Variants in HS6ST1 observed in about 807,000 individuals in gnomAD.
The protein encoded by HS6ST1 is heparan sulfate 6-O-sulfotransferase 1, also known as heparan-sulfate 6-O-sulfotransferase 1.
HS6ST1 carries 3 observed loss-of-function variants against 25.2 expected under a neutral mutation model. The ratio of observed to expected loss-of-function variants is 0.12; its 90% CI spans 0.05 to 0.31. HS6ST1 has a LOEUF of 0.31. HS6ST1 is among the 10% of genes least tolerant of loss of function. HS6ST1 has a pLI of 1.00. For synonymous variants in HS6ST1, 204 were observed against 275.1 expected, an observed-to-expected ratio of 0.74 and a Z score of 2.56; for missense variants, 310 against 609.6, an observed-to-expected ratio of 0.51 and a Z score of 5.18.
intron 1 of HS6ST1, among the ~76,000 whole-genome samples, chr2:128,289,385 G>A (rs542424292): frequency 1.4e-4 from 21 of 152,082 alleles, no homozygotes; most frequent in Non-Finnish European, 2.8e-4. Flanking sequence ...CTGCAACCCC[G>A]GTACGGTCGC....
chr2:128,268,053 T>C lies in HS6ST1; in HGVS notation c.*109A>G, dbSNP rs578043508. ...TTTTTTCAGGACGCAGCTACCTCTG[T>C]GGAGCAGGTTTGGGATGCTCATCCC... On this transcript the variant is annotated 3_prime_UTR_variant, in exon 2 of 2. Transcript: ENST00000259241. 1.3e-3 allele frequency: 1,001 copies of C among 759,942 alleles called. 2 individuals are homozygous for C. Among genetic ancestry groups the C allele is most frequent in the Non-Finnish European group, 1.1e-3 (502 of 454,802 alleles). 47.1% of individuals were successfully genotyped at this position (759,942 alleles called of 1,614,324 possible). A position where few individuals can be genotyped will look rare whatever the true frequency, so the allele number is the denominator to read the frequency against.
chr2:128,291,600 C>T (rs557472974), intron 1 of HS6ST1, among the ~76,000 whole-genome samples: 129 of 152,354 alleles, frequency 8.5e-4, no homozygotes, highest in African/African-American at 3.0e-3. Flanking sequence ...CCTGGGTCCT[C>T]CACAGGCTGA....
At chr2:128,286,177 C>T (rs1364031114) in intron 1 of HS6ST1, among the ~76,000 whole-genome samples, 2 of 152,252 alleles carry the variant, frequency 1.3e-5, no homozygotes, top group African/African-American at 4.8e-5. Context: ...GGGACCCCAG[C>T]AGGTGCAGCA....
intron 1 of HS6ST1, among the ~76,000 whole-genome samples, chr2:128,316,914 C>G (rs1032785289): frequency 7.2e-5 from 11 of 152,178 alleles, no homozygotes; most frequent in African/African-American, 2.4e-4. Flanking sequence ...GAGCCTACAG[C>G]CTCTGGACCC....
intron 1 of HS6ST1, among the ~76,000 whole-genome samples, chr2:128,308,821 G>GAAGCTC (rs1469333528): frequency 6.6e-6 from 1 of 152,246 alleles, no homozygotes; most frequent in Non-Finnish European, 1.5e-5. Flanking sequence ...TGCTTTGAGG[G>GAAGCTC]AAGCTCCCTG....
intron 1 of HS6ST1, among the ~76,000 whole-genome samples, chr2:128,308,821 GA>G (rs2104935629): frequency 6.6e-6 from 1 of 152,364 alleles, no homozygotes; most frequent in South Asian, 2.1e-4. Flanking sequence ...TGCTTTGAGG[GA>G]AGCTCCCTGC....
chr2:128,297,834 CA>C (rs1694063146), intron 1 of HS6ST1, among the ~76,000 whole-genome samples: 1 of 151,954 alleles, frequency 6.6e-6, no homozygotes, highest in Non-Finnish European at 1.5e-5. Flanking sequence ...AACTCTGTTT[CA>C]AAAACAAAAC....
At chr2:128,303,177 C>T (rs1016815336) in intron 1 of HS6ST1, among the ~76,000 whole-genome samples, 11 of 152,262 alleles carry the variant, frequency 7.2e-5, no homozygotes, top group Admixed American at 2.0e-4. Flanking sequence ...CCTCCACTCT[C>T]GACGTTCTCT....
At chr2:128,272,966 C>G (rs543828604) in intron 1 of HS6ST1, among the ~76,000 whole-genome samples, 60 of 152,270 alleles carry the variant, frequency 3.9e-4, no homozygotes, top group African/African-American at 1.4e-3. Context: ...AAAGGGGCAC[C>G]TGAGCCAGCG....
At chr2:128,283,690 G>C (rs899253654) in intron 1 of HS6ST1, among the ~76,000 whole-genome samples, 1 of 152,154 alleles carries the variant, frequency 6.6e-6, no homozygotes, top group Non-Finnish European at 1.5e-5. Context: ...CCCCATTATA[G>C]GGATGGCAGG....
At chr2:128,281,411 G>A (rs555867722) in intron 1 of HS6ST1, among the ~76,000 whole-genome samples, 3 of 152,316 alleles carry the variant, frequency 2.0e-5, no homozygotes, top group South Asian at 4.1e-4. Context: ...GGAGGAAGAC[G>A]CCCAGGAGAT....
chr2:128,305,508 G>A (rs549060697), intron 1 of HS6ST1, among the ~76,000 whole-genome samples: 3 of 152,330 alleles, frequency 2.0e-5, no homozygotes, highest in Middle Eastern at 3.4e-3. Flanking sequence ...CCCTCCAACC[G>A]GGAGCCCTGG....
rs2104941413 is a variant in HS6ST1, at chr2:128,318,003, A to C, written c.527+34T>G. The C allele has an allele frequency of 1.4e-6, 2 of 1,421,574 alleles. No individual in the cohort carries two copies. The highest frequency in any genetic ancestry group is 5.6e-5 in the East Asian group (2 of 35,456). The allele number at this position is 1,421,574 out of a possible 1,614,324, so 88.1% of individuals were successfully genotyped here. A position where few individuals can be genotyped will look rare whatever the true frequency, so the allele number is the denominator to read the frequency against. The stretch of plus-strand genomic sequence containing the variant: ...GCATACGGCCCGGCCTCGGGGGCGC[A>C]GCTGCGCGAGGATCCCGCCGCCCGG... On this transcript the variant is annotated intron_variant, in intron 1 of 1. Transcript: ENST00000259241. This position sits in a 1 kb window ranked among gnomAD's most constrained non-coding sequence, Gnocchi z 5.7.
intron 1 of HS6ST1, among the ~76,000 whole-genome samples, chr2:128,317,068 G>A (rs1694375618): frequency 6.6e-6 from 1 of 152,240 alleles, no homozygotes; most frequent in Admixed American, 6.5e-5. Context: ...AGACTTTGGG[G>A]AGAAAGGCCC....
chr2:128,278,686 G>A (rs990599915), intron 1 of HS6ST1, among the ~76,000 whole-genome samples: 5 of 152,200 alleles, frequency 3.3e-5, no homozygotes, highest in African/African-American at 1.2e-4. Context: ...GGGGTTCCAC[G>A]AGCAAGGGTC....
At chr2:128,285,867 G>A (rs981138658) in intron 1 of HS6ST1, among the ~76,000 whole-genome samples, 4 of 152,328 alleles carry the variant, frequency 2.6e-5, no homozygotes, top group Admixed American at 6.5e-5. Context: ...GACAGGTGCC[G>A]TCTGCCCCAA....
chr2:128,298,722 AG>A (rs1351580514), intron 1 of HS6ST1, among the ~76,000 whole-genome samples: 1 of 152,202 alleles, frequency 6.6e-6, no homozygotes, highest in Non-Finnish European at 1.5e-5. Context: ...AAAGTTCTGG[AG>A]ACGGATGATG....
intron 1 of HS6ST1, among the ~76,000 whole-genome samples, chr2:128,309,300 G>A (rs1253800889): frequency 6.6e-6 from 1 of 152,262 alleles, no homozygotes; most frequent in Non-Finnish European, 1.5e-5. Context: ...GGTGGGAAAA[G>A]AAAATGAGGT....
intron 1 of HS6ST1, among the ~76,000 whole-genome samples, chr2:128,307,979 G>A (rs151064564): frequency 7.0e-4 from 107 of 152,324 alleles, no homozygotes; most frequent in African/African-American, 2.5e-3. Context: ...AATTAAACAC[G>A]CATGTCAGGG....
Sources: gnomAD v4.1 joint callset for allele counts (sites outside exome capture counted in the v4.1 genomes callset) on GRCh38, gnomAD v4.1.1 for gene constraint, Gnocchi (gnomAD v3.1) non-coding constraint, MANE v1.5 for transcripts, NCBI Gene and HGNC (gene_info 2026-07-23, HGNC 2026-07-21) for gene names.